Variants in CACNA1E observed in about 807,000 individuals in gnomAD.
The protein encoded by CACNA1E is calcium voltage-gated channel subunit alpha1 E, also known as voltage-dependent R-type calcium channel subunit alpha-1E.
Under a neutral mutation model 259.2 loss-of-function variants are expected in CACNA1E, and 40 were observed. The ratio of observed to expected loss-of-function variants is 0.15; its 90% CI spans 0.12 to 0.20. CACNA1E has a LOEUF of 0.20. Among genes scored for constraint, CACNA1E ranks in the 10% least tolerant of loss-of-function variants. The pLI is 1.00. For missense variants in CACNA1E, 1,874 were observed against 3,040.1 expected (o/e 0.62, Z 9.02); for synonymous variants, 1,104 against 1,138.5 (o/e 0.97, Z 0.61).
chr1:181,751,897 A>G, intron 26 of CACNA1E: 2 of 641,848 alleles, frequency 3.1e-6, no homozygotes, highest in South Asian at 3.0e-5. Context: ...GTGTGTATAT[A>G]TGAGTGTGTA....
intron 1 of CACNA1E, among the ~76,000 whole-genome samples, chr1:181,502,759 T>C (rs1460256914): frequency 6.6e-6 from 1 of 152,076 alleles, no homozygotes; most frequent in African/African-American, 2.4e-5. Context: ...AGTGCAGTGG[T>C]ATGATCTCGG....
At chr1:181,651,524 T>C (rs1398154087) in intron 7 of CACNA1E, 83 bp downstream of exon 7, 1 of 964,658 alleles carries the variant, frequency 1.0e-6, no homozygotes, top group South Asian at 1.5e-5. Flanking sequence ...GGCAGATTCA[T>C]TCATTTAACC....
At chr1:181,468,250 C>T (rs1662272361) in intron 2 of CACNA1E, among the ~76,000 whole-genome samples, 1 of 152,168 alleles carries the variant, frequency 6.6e-6, no homozygotes, top group African/African-American at 2.4e-5. Context: ...TTCACGGTGA[C>T]CACTGTGTCT....
chr1:181,433,571 A>G (rs1659862088), intron 2 of CACNA1E, among the ~76,000 whole-genome samples: 1 of 152,236 alleles, frequency 6.6e-6, no homozygotes, highest in Non-Finnish European at 1.5e-5. Flanking sequence ...GCTTATAAAG[A>G]ATAATATAAA....
At chr1:181,329,769 C>T (rs1212021168) in intron 1 of CACNA1E, among the ~76,000 whole-genome samples, 1 of 152,178 alleles carries the variant, frequency 6.6e-6, no homozygotes, top group African/African-American at 2.4e-5. Context: ...AGCTCCCATC[C>T]CAGTTCATGT....
At chr1:181,579,023 A>G (rs370474388) in intron 4 of CACNA1E, 49 bp from the exon 5 acceptor site, 2 of 1,487,728 alleles carry the variant, frequency 1.3e-6, no homozygotes, top group African/African-American at 1.4e-5. Context: ...CCCCTATCAG[A>G]TGGTGCTGAG....
intron 2 of CACNA1E, among the ~76,000 whole-genome samples, chr1:181,460,468 T>C (rs1661729478): frequency 6.6e-6 from 1 of 152,200 alleles, no homozygotes; most frequent in Non-Finnish European, 1.5e-5. Context: ...CAGCAGCTGT[T>C]ATGGTTGAAA....
At chr1:181,468,902 A>G (rs1473010504) in intron 2 of CACNA1E, among the ~76,000 whole-genome samples, 1 of 152,208 alleles carries the variant, frequency 6.6e-6, no homozygotes, top group Non-Finnish European at 1.5e-5. Context: ...AGATATTGCT[A>G]GGAGCATAAT....
intron 2 of CACNA1E, among the ~76,000 whole-genome samples, chr1:181,477,157 C>T (rs899706774): frequency 6.6e-5 from 10 of 151,742 alleles, no homozygotes; most frequent in African/African-American, 1.9e-4. Context: ...GCCCCCCTCC[C>T]CACCCCCCAA....
chr1:181,450,995 G>T (rs1344111751), intron 2 of CACNA1E, among the ~76,000 whole-genome samples: 1 of 152,220 alleles, frequency 6.6e-6, no homozygotes, highest in Non-Finnish European at 1.5e-5. Flanking sequence ...CCTATTTCTG[G>T]CTTAGGCAAC....
chr1:181,765,819 T>G (rs994451328), intron 34 of CACNA1E, among the ~76,000 whole-genome samples: 8 of 152,168 alleles, frequency 5.3e-5, no homozygotes, highest in Admixed American at 3.9e-4. Flanking sequence ...CCTCCTCCAG[T>G]ACCAAGGCCA....
chr1:181,420,193 A>G (rs991814569), intron 2 of CACNA1E, among the ~76,000 whole-genome samples: 19 of 152,268 alleles, frequency 1.2e-4, no homozygotes, highest in Non-Finnish European at 2.4e-4. Context: ...ATAGTGAAAC[A>G]GACTAGAAAC....
In CACNA1E at chr1:181,684,876, C is replaced by CTT. The variant is rs34538225; in HGVS notation, c.1056-26064_1056-26063dup. Among the ~76,000 whole-genome samples the CTT allele has an allele frequency of 5.8e-3, 788 of 134,998 alleles. 9 individuals carry two copies. The highest frequency in any genetic ancestry group is 0.025 in the East Asian group (118 of 4,702). 88.6% of individuals were successfully genotyped at this position (134,998 alleles called of 152,430 possible). A position where few individuals can be genotyped will look rare whatever the true frequency, so the allele number is the denominator to read the frequency against. ...TCCTAAATAAAGGATTTTTTAAATC[C>CTT]TTTTTTTTTTTTTTTGCCTTGTTAG... On this transcript the variant is annotated intron_variant, in intron 7 of 47. Coordinates refer to ENST00000367573, the MANE Select transcript of CACNA1E (RefSeq NM_001205293.3).
chr1:181,460,711 A>G (rs1661749188), intron 2 of CACNA1E, among the ~76,000 whole-genome samples: 1 of 152,200 alleles, frequency 6.6e-6, no homozygotes, highest in Non-Finnish European at 1.5e-5. Context: ...TTACACTTAG[A>G]GTAGTATTTC....
intron 7 of CACNA1E, among the ~76,000 whole-genome samples, 191 bp from the exon 8 acceptor site, chr1:181,710,763 G>A (rs901618128): frequency 6.6e-6 from 1 of 152,228 alleles, no homozygotes; most frequent in African/African-American, 2.4e-5. Context: ...GGCTTCCTTT[G>A]TGAGGCTGAA....
chr1:181,662,454 T>G (rs1647783174), intron 7 of CACNA1E, among the ~76,000 whole-genome samples: 1 of 152,198 alleles, frequency 6.6e-6, no homozygotes, highest in African/African-American at 2.4e-5. Context: ...CTCTAGACAG[T>G]CTAGCTGGGT....
upstream of CACNA1E, among the ~76,000 whole-genome samples, chr1:181,481,433 A>G (rs988472983): frequency 6.6e-6 from 1 of 152,342 alleles, no homozygotes; most frequent in East Asian, 1.9e-4. Flanking sequence ...GCCCACAGAC[A>G]GACACATACC....
chr1:181,798,361 C>T lies in CACNA1E; in HGVS notation c.6469C>T (p.Arg2157Trp), dbSNP rs749525291. 13 of 1,611,596 alleles carry T rather than the reference C, an allele frequency of 8.1e-6. No individual in the cohort carries two copies. Among genetic ancestry groups the T allele is most frequent in the African/African-American group, 6.7e-5 (5 of 74,886 alleles). ...SDTSTPRRSR[R>W]QLPPVPPKPR... ...CACCAGCACCCCAAGAAGAAGTCGT[C>T]GGCAGCTCCCACCCGTCCCGCCAAA... The change falls in exon 48 of 48, where the codon CGG becomes TGG. Residue 2157 changes from arginine to tryptophan, a missense_variant. Physicochemically the swap from Arg to Trp is moderately radical, Grantham distance 101. Transcript: ENST00000367573. This position sits in a 1 kb window ranked among gnomAD's most constrained non-coding sequence, Gnocchi z 4.2.
chr1:181,528,009 TGTG>T (rs1374085355), intron 3 of CACNA1E, among the ~76,000 whole-genome samples: 3 of 152,214 alleles, frequency 2.0e-5, no homozygotes, highest in Non-Finnish European at 2.9e-5. Flanking sequence ...ATCAAACTCT[TGTG>T]GTGAAGACCA....
Sources: gnomAD v4.1 joint callset for allele counts (sites outside exome capture counted in the v4.1 genomes callset) on GRCh38, gnomAD v4.1.1 for gene constraint, Gnocchi (gnomAD v3.1) non-coding constraint, MANE v1.5 for transcripts, NCBI Gene and HGNC (gene_info 2026-07-23, HGNC 2026-07-21) for gene names.